Variants in YIPF5 observed in about 807,000 individuals in gnomAD.
YIPF5 encodes Yip1 domain family member 5.
Under a neutral mutation model 30.4 loss-of-function variants are expected in YIPF5, and 8 were observed. The observed-to-expected ratio is 0.26, with a 90% CI of 0.15 to 0.47. YIPF5 has a LOEUF of 0.47. YIPF5 is among the 20% of genes least tolerant of loss of function. The probability of loss-of-function intolerance (pLI) is 0.99; values close to 1 mark genes in which losing one functional copy is unlikely to be tolerated. For missense variants in YIPF5, 282 were observed against 301.8 expected, an observed-to-expected ratio of 0.93 and a Z score of 0.49; for synonymous variants, 104 against 107.9, an observed-to-expected ratio of 0.96 and a Z score of 0.23.
At chr5:144,167,234 T>C (rs559784513) in intron 2 of YIPF5, among the ~76,000 whole-genome samples, 4 of 152,292 alleles carry the variant, frequency 2.6e-5, no homozygotes, top group African/African-American at 7.2e-5. Flanking sequence ...GACAATATCA[T>C]AGAATTTTAC....
Position 144,165,471 on chromosome 5 carries a change from A to T in YIPF5, c.244T>A (p.Tyr82Asn). Residue 82 changes from tyrosine (Y) to asparagine (N), a missense_variant, in exon 3 of 6, where the codon TAT becomes AAT. Transcript: ENST00000274496. ...AYTPASPQPFYGNNFEDEPPL... is the reference protein window; with the variant it reads ...AYTPASPQPFNGNNFEDEPPL... ...GGCTCATCCTCAAAGTTGTTTCCAT[A>T]GAAAGGCTGAGGTGAAGCTGGAGTA... is the stretch of plus-strand genomic sequence containing the variant. 1.2e-6 allele frequency: 2 copies of T among 1,614,182 alleles called. No individual in the cohort carries two copies. The highest frequency in any genetic ancestry group is 1.7e-6 in the Non-Finnish European group (2 of 1,180,012).
chr5:144,164,939 C>T lies in YIPF5; in HGVS notation c.283+493G>A, dbSNP rs937055851. On this transcript the variant is annotated intron_variant, in intron 3 of 5. Coordinates refer to ENST00000274496, the MANE Select transcript of YIPF5 (RefSeq NM_030799.9). ...GCCCATTTAACTGTATACAAAACTA[C>T]GTCTCTATGCATATGTGTGCATTTC... Among the ~76,000 whole-genome samples, 31 of 152,102 alleles carry T rather than the reference C, an allele frequency of 2.0e-4. No individual in the cohort carries two copies. In the East Asian group the frequency reaches 5.2e-3, roughly 25 times the overall value.
In YIPF5 at chr5:144,158,378, CA is replaced by C; in HGVS notation, c.*2018del. ...TTGGAGCAAAATAAAAAATAACCAC[CA>C]CAAAAAAAATCTCTACAATAATTTA... is the stretch of plus-strand genomic sequence containing the variant. On this transcript the variant is annotated 3_prime_UTR_variant, in exon 6 of 6. Coordinates refer to ENST00000274496, the MANE Select transcript of YIPF5 (RefSeq NM_030799.9). 8.4e-7 allele frequency: 1 copy of C among 1,185,942 alleles called. No homozygotes were observed. The allele number at this position is 1,185,942 out of a possible 1,614,324, so 73.5% of individuals were successfully genotyped here. A position where few individuals can be genotyped will look rare whatever the true frequency, so the allele number is the denominator to read the frequency against.
intron 4 of YIPF5, among the ~76,000 whole-genome samples, chr5:144,163,708 C>A (rs1293865520): frequency 6.6e-6 from 1 of 151,220 alleles, no homozygotes; most frequent in African/African-American, 2.4e-5. Flanking sequence ...GAAAAGTAAT[C>A]ATCAGTATGA....
In YIPF5 at chr5:144,159,443, C is replaced by T. The variant is rs1751963873; in HGVS notation, c.*954G>A. On this transcript the variant is annotated 3_prime_UTR_variant, in exon 6 of 6. Coordinates refer to ENST00000274496, the MANE Select transcript of YIPF5 (RefSeq NM_030799.9). The stretch of plus-strand genomic sequence containing the variant: ...TAGCATTAATGCAACCATTCCAGGT[C>T]CCTAAGGTTGAGTTAACATTAATAT... 4 of 985,132 alleles carry T rather than the reference C, an allele frequency of 4.1e-6. No individual in the cohort carries two copies. In the South Asian group the frequency reaches 1.9e-4, roughly 46 times the overall value. 61.0% of individuals were successfully genotyped at this position (985,132 alleles called of 1,614,324 possible).
chr5:144,158,442 A>G lies in YIPF5; in HGVS notation c.*1955T>C, dbSNP rs1477058672. On this transcript the variant is annotated 3_prime_UTR_variant, in exon 6 of 6. Transcript: ENST00000274496. Reference sequence around the variant, plus strand: ...TGTTGAGGATAGGGTAAACAACAAAAAAGAAAATAATTTGATCCATATGTG... The same window carrying G: ...TGTTGAGGATAGGGTAAACAACAAAGAAGAAAATAATTTGATCCATATGTG... The G allele has an allele frequency of 1.6e-6, 2 of 1,276,276 alleles. No homozygotes were observed. The highest frequency in any genetic ancestry group is 5.7e-5 in the East Asian group (1 of 17,568). The allele number at this position is 1,276,276 out of a possible 1,614,324, so 79.1% of individuals were successfully genotyped here.
In YIPF5 at chr5:144,165,617, G is replaced by T; in HGVS notation, c.111-13C>A. Reference sequence around the variant, plus strand: ...GCCAGCATACTGTCTATAAATGAAAGAAAGTTAAATTTTTCAGAGGTATTT... The same window carrying T: ...GCCAGCATACTGTCTATAAATGAAATAAAGTTAAATTTTTCAGAGGTATTT... On this transcript the variant is annotated splice_polypyrimidine_tract_variant and intron_variant, in intron 2 of 5. Coordinates refer to ENST00000274496, the MANE Select transcript of YIPF5 (RefSeq NM_030799.9). 6.2e-7 allele frequency: 1 copy of T among 1,612,592 alleles called. No homozygotes were observed. The highest frequency in any genetic ancestry group is 8.5e-7 in the Non-Finnish European group (1 of 1,178,962).
chr5:144,168,189 C>T (rs997283237), intron 2 of YIPF5, among the ~76,000 whole-genome samples: 3 of 152,156 alleles, frequency 2.0e-5, no homozygotes, highest in African/African-American at 7.2e-5. Flanking sequence ...TGCTAACCAG[C>T]AACAAGTTGT....
At position 144,160,373 on chromosome 5, in the gene YIPF5, G is replaced by T; in HGVS notation, c.*24C>A. 5 of 1,604,728 alleles carry T rather than the reference G, an allele frequency of 3.1e-6. No individual in the cohort carries two copies. Among genetic ancestry groups the T allele is most frequent in the Non-Finnish European group, 4.3e-6 (5 of 1,173,782 alleles). On this transcript the variant is annotated 3_prime_UTR_variant, in exon 6 of 6. Transcript: ENST00000274496. ...GTCCTTTTTGTACATCTGGCCCACT[G>T]ATGTCCACATCCCAGATAAATTTTC...
chr5:144,162,899 G>A (rs1752088749), intron 4 of YIPF5, among the ~76,000 whole-genome samples: 1 of 152,166 alleles, frequency 6.6e-6, no homozygotes, highest in Non-Finnish European at 1.5e-5. Context: ...AGAGGAGCAA[G>A]GGGAAAGGAA....
chr5:144,166,957 C>T (rs1390739541), intron 2 of YIPF5, among the ~76,000 whole-genome samples: 1 of 152,134 alleles, frequency 6.6e-6, no homozygotes, highest in African/African-American at 2.4e-5. Context: ...CAGGTACCAG[C>T]AGTTTTACCA....
At chr5:144,163,902 T>C in intron 4 of YIPF5, 1 of 452,362 alleles carries the variant, frequency 2.2e-6, no homozygotes, top group Non-Finnish European at 3.6e-6. Context: ...TAATCATTTC[T>C]TAGAAAAAGA....
In YIPF5 at chr5:144,159,388, T is replaced by C; in HGVS notation, c.*1009A>G. 1.0e-6 allele frequency: 1 copy of C among 985,342 alleles called. No homozygotes were observed. Among genetic ancestry groups the C allele is most frequent in the Non-Finnish European group, 1.2e-6 (1 of 829,828 alleles). 61.0% of individuals were successfully genotyped at this position (985,342 alleles called of 1,614,324 possible). On this transcript the variant is annotated 3_prime_UTR_variant, in exon 6 of 6. Coordinates refer to ENST00000274496, the MANE Select transcript of YIPF5 (RefSeq NM_030799.9). The stretch of plus-strand genomic sequence containing the variant: ...AAAAAGGTTAGTGATTTTTTTATTA[T>C]TTTTGGGAAATGTGGCGATCCAACG...
chr5:144,170,284 C>T, intron 1 of YIPF5: 1 of 274,810 alleles, frequency 3.6e-6, no homozygotes. Context: ...GATTTTTCAC[C>T]TTAGGACTGG....
At chr5:144,165,103 C>A (rs1752165104) in intron 3 of YIPF5, among the ~76,000 whole-genome samples, 2 of 152,100 alleles carry the variant, frequency 1.3e-5, no homozygotes, top group South Asian at 4.2e-4. Context: ...ACTAGTTCTG[C>A]CAGTTTATTT....
In YIPF5 at chr5:144,164,124, G is replaced by A. The variant is rs1580756315; in HGVS notation, c.416C>T (p.Ala139Val). The change falls in exon 4 of 6, where the codon GCC becomes GTC. Residue 139 changes from alanine to valine, a missense_variant. Coordinates refer to ENST00000274496, the MANE Select transcript of YIPF5 (RefSeq NM_030799.9). ...GPMVFCLAFGATLLLAGKIQF... is the reference protein window; with the variant it reads ...GPMVFCLAFGVTLLLAGKIQF... The stretch of plus-strand genomic sequence containing the variant: ...TGAAAATCTTACCAGTAGCAATGTG[G>A]CTCCAAAAGCAAGGCAAAAAACCAT... 1 of 1,612,304 alleles carries A rather than the reference G, an allele frequency of 6.2e-7. No homozygotes were observed. The highest frequency in any genetic ancestry group is 1.3e-5 in the African/African-American group (1 of 74,830).
At chr5:144,169,806 G>A (rs1414243033) in intron 2 of YIPF5, 40 bp downstream of exon 2, 20 of 1,513,490 alleles carry the variant, frequency 1.3e-5, no homozygotes, top group African/African-American at 6.9e-5. Flanking sequence ...TGTTTTCACT[G>A]CAATGTAGAC....
At position 144,159,566 on chromosome 5, in the gene YIPF5, A is replaced by C. The variant is rs1751968778; in HGVS notation, c.*831T>G. 1.0e-6 allele frequency: 1 copy of C among 985,274 alleles called. No homozygotes were observed. The highest frequency in any genetic ancestry group is 4.7e-5 in the South Asian group (1 of 21,286). 61.0% of individuals were successfully genotyped at this position (985,274 alleles called of 1,614,324 possible). A position where few individuals can be genotyped will look rare whatever the true frequency, so the allele number is the denominator to read the frequency against. On this transcript the variant is annotated 3_prime_UTR_variant, in exon 6 of 6. Transcript: ENST00000274496. The stretch of plus-strand genomic sequence containing the variant: ...AAAATTCCATGAGATAATTTACAGT[A>C]ATGTCAAATTTTTGGAGTGCAAACT...
At chr5:144,170,399 C>G (rs1407640572) in intron 1 of YIPF5, 136 bp downstream of exon 1, 1 of 190,028 alleles carries the variant, frequency 5.3e-6, no homozygotes, top group African/African-American at 2.4e-5. Context: ...CAGGGGACCG[C>G]GTCAGGGCAA....
Sources: allele counts gnomAD v4.1 joint callset (sites outside exome capture counted in the v4.1 genomes callset), GRCh38; gene constraint gnomAD v4.1.1; transcripts MANE v1.5; gene names NCBI Gene and HGNC (gene_info 2026-07-23, HGNC 2026-07-21).